Variants in FAM81A observed in about 807,000 individuals in gnomAD.
The protein encoded by FAM81A is family with sequence similarity 81 member A.
In FAM81A, 19 loss-of-function variants were observed where a neutral mutation model predicts 46.7. That is an observed-to-expected ratio of 0.41 (90% CI 0.28 to 0.60). FAM81A has a LOEUF of 0.60. FAM81A is among the 20% of genes least tolerant of loss of function. The pLI is 0.34. For synonymous variants in FAM81A, 183 were observed against 152.9 expected (o/e 1.20, Z -1.45); for missense variants, 377 against 453.5 (o/e 0.83, Z 1.53).
chr15:59,501,740 G>C (rs2141794658), intron 4 of FAM81A, among the ~76,000 whole-genome samples: 1 of 152,206 alleles, frequency 6.6e-6, no homozygotes, highest in South Asian at 2.1e-4. Context: ...GTATCTGGGA[G>C]GTAACAGCTG....
At chr15:59,483,932 G>C (rs1190927910) in intron 3 of FAM81A, among the ~76,000 whole-genome samples, 1 of 152,194 alleles carries the variant, frequency 6.6e-6, no homozygotes, top group East Asian at 1.9e-4. Flanking sequence ...GTTCCCCACT[G>C]CCTCTCAGCT....
At chr15:59,437,279 GAGAC>G (rs781016990), upstream of FAM81A, among the ~76,000 whole-genome samples, 1 of 152,124 alleles carries the variant, frequency 6.6e-6, no homozygotes, top group East Asian at 1.9e-4. Flanking sequence ...CGGGGTGGGG[GAGAC>G]AGACAGGAGC....
rs2082100139 is a variant in FAM81A, at chr15:59,502,304, G to T, written c.414-4909G>T. 3.3e-5 allele frequency among the ~76,000 whole-genome samples: 5 copies of T among 151,796 alleles called. No individual in the cohort carries two copies. In the South Asian group the frequency reaches 1.0e-3, roughly 32 times the overall value. ...CCATTAACTCGTCATTTAGCATTAG[G>T]TATATCTCCTAAAGCTATCCCTTCC... is the stretch of plus-strand genomic sequence containing the variant. On this transcript the variant is annotated intron_variant, in intron 4 of 8. Transcript: ENST00000288228.
At chr15:59,410,027 C>T in intron 2 of FAM81A, among the ~76,000 whole-genome samples, 1 of 152,140 alleles carries the variant, frequency 6.6e-6, no homozygotes. Context: ...GCAGGCCGGG[C>T]ATTGTGGCTC....
At chr15:59,418,904 T>G (rs1392729221) in intron 2 of FAM81A, among the ~76,000 whole-genome samples, 1 of 152,226 alleles carries the variant, frequency 6.6e-6, no homozygotes, top group Non-Finnish European at 1.5e-5. Flanking sequence ...GATATACAAT[T>G]AATGATGACC....
At chr15:59,506,498 A>C (rs2082150721) in intron 4 of FAM81A, among the ~76,000 whole-genome samples, 1 of 152,162 alleles carries the variant, frequency 6.6e-6, no homozygotes, top group South Asian at 2.1e-4. Context: ...GAGTCACCTA[A>C]TGGCATTCTG....
intron 2 of FAM81A, among the ~76,000 whole-genome samples, chr15:59,413,459 CACAA>C (rs763966788): frequency 2.0e-5 from 3 of 149,082 alleles, no homozygotes; most frequent in Admixed American, 2.0e-4. Context: ...CACACACACA[CACAA>C]CCACCCACCC....
At chr15:59,481,187 A>G (rs755673543) in intron 3 of FAM81A, among the ~76,000 whole-genome samples, 3 of 152,032 alleles carry the variant, frequency 2.0e-5, no homozygotes, top group Non-Finnish European at 4.4e-5. Context: ...GTGTAGAGAC[A>G]GGGTTTCACC....
At chr15:59,488,491 C>T (rs1257503363) in intron 3 of FAM81A, among the ~76,000 whole-genome samples, 9 of 152,154 alleles carry the variant, frequency 5.9e-5, no homozygotes, top group African/African-American at 2.2e-4. Context: ...TTCTTGTTTG[C>T]AGATGATATG....
At chr15:59,518,896 A>C (rs2082295822) in intron 8 of FAM81A, among the ~76,000 whole-genome samples, 1 of 151,582 alleles carries the variant, frequency 6.6e-6, no homozygotes, top group Non-Finnish European at 1.5e-5. Context: ...ACTGTATTCA[A>C]GCAGGTTAAC....
intron 2 of FAM81A, among the ~76,000 whole-genome samples, chr15:59,422,214 C>T (rs1286659575): frequency 1.3e-5 from 2 of 151,980 alleles, no homozygotes; most frequent in African/African-American, 2.4e-5. Context: ...TAGTGAGACC[C>T]TGTCTCTACA....
chr15:59,468,752 C>T (rs1471303671), intron 3 of FAM81A, among the ~76,000 whole-genome samples: 1 of 151,640 alleles, frequency 6.6e-6, no homozygotes, highest in Admixed American at 6.6e-5. Context: ...TTGCCTTATG[C>T]TAGCTTTTGA....
At chr15:59,487,219 GTATATTATATA>G (rs1263750506) in intron 3 of FAM81A, among the ~76,000 whole-genome samples, 36 of 145,534 alleles carry the variant, frequency 2.5e-4, no homozygotes, top group South Asian at 4.2e-4. Flanking sequence ...TATCTTATAT[GTATATTATATA>G]TATATTATAT....
intron 6 of FAM81A, among the ~76,000 whole-genome samples, chr15:59,511,186 C>T (rs1249797103): frequency 1.2e-4 from 19 of 152,058 alleles, no homozygotes; most frequent in African/African-American, 4.3e-4. Flanking sequence ...ATATGATGAA[C>T]ATTGGGCAAA....
intron 1 of FAM81A, chr15:59,401,331 C>T: frequency 1.3e-6 from 1 of 795,616 alleles, no homozygotes; most frequent in Non-Finnish European, 2.3e-6. Flanking sequence ...AATTTGCTCA[C>T]ATTTACCTCC....
chr15:59,439,125 T>TGC (rs1263915395), intron 1 of FAM81A: 1 of 152,040 alleles, frequency 6.6e-6, no homozygotes, highest in Non-Finnish European at 1.5e-5. Context: ...TGTGTGTGTG[T>TGC]GCGTGTGTGC....
At chr15:59,442,641 GAAAA>G (rs2081312333) in intron 1 of FAM81A, among the ~76,000 whole-genome samples, 1 of 121,366 alleles carries the variant, frequency 8.2e-6, no homozygotes, top group African/African-American at 3.1e-5. Flanking sequence ...AAAAAAAAAA[GAAAA>G]GAAAAGAAAA....
intron 3 of FAM81A, among the ~76,000 whole-genome samples, chr15:59,480,949 G>A (rs1344884502): frequency 6.6e-6 from 1 of 152,054 alleles, no homozygotes; most frequent in Non-Finnish European, 1.5e-5. Flanking sequence ...GTTAATGTCA[G>A]GTAGGATTCT....
At chr15:59,397,997 A>G (rs7177667) in intron 1 of FAM81A, among the ~76,000 whole-genome samples, 118,022 of 151,940 alleles carry the variant, frequency 0.78, 46,433 homozygotes, top group Non-Finnish European at 0.84. Context: ...GGTGGTATCA[A>G]CTGACTATTC....
Sources: gnomAD v4.1 joint callset for allele counts (sites outside exome capture counted in the v4.1 genomes callset) on GRCh38, gnomAD v4.1.1 for gene constraint, MANE v1.5 for transcripts, NCBI Gene and HGNC (gene_info 2026-07-23, HGNC 2026-07-21) for gene names.